MRPL45: variants seen among roughly 807,000 people sequenced by gnomAD.
The protein encoded by MRPL45 is large ribosomal subunit protein mL45.
In MRPL45, 20 loss-of-function variants were observed where a neutral mutation model predicts 38.1. The observed-to-expected ratio is 0.53, with a 90% confidence interval of 0.37 to 0.76. The LOEUF (loss-of-function observed/expected upper bound fraction) is 0.76. MRPL45 is among the 30% of genes least tolerant of loss of function. The pLI is 0.00. For missense variants in MRPL45, 337 were observed against 395.6 expected (o/e 0.85, Z 1.26); for synonymous variants, 105 against 128.8 (o/e 0.82, Z 1.25).
chr17:38,308,311 G>A (rs1485127365), intron 4 of MRPL45, among the ~76,000 whole-genome samples: 1 of 152,044 alleles, frequency 6.6e-6, no homozygotes, highest in East Asian at 1.9e-4. Context: ...TTTTTACCAT[G>A]TTGGCCAGGT....
At chr17:38,311,891 C>T (rs1164401165) in intron 4 of MRPL45, among the ~76,000 whole-genome samples, 8 of 152,018 alleles carry the variant, frequency 5.3e-5, no homozygotes, top group Non-Finnish European at 1.0e-4. Context: ...ATTTTTGTTA[C>T]AGCATCCTGA....
intron 3 of MRPL45, among the ~76,000 whole-genome samples, chr17:38,303,198 T>G (rs1171560116): frequency 1.3e-5 from 2 of 151,950 alleles, no homozygotes; most frequent in Non-Finnish European, 2.9e-5. Context: ...CATAATATAT[T>G]TTTTTTTCCT....
At chr17:38,300,684 C>T (rs1360526214) in intron 3 of MRPL45, among the ~76,000 whole-genome samples, 5 of 152,038 alleles carry the variant, frequency 3.3e-5, no homozygotes, top group Admixed American at 2.0e-4. Context: ...CGGTGGCTCA[C>T]GTCTGTAATC....
At chr17:38,299,495 G>A (rs371746697) in intron 3 of MRPL45, 27 bp downstream of exon 3, 949 of 1,559,122 alleles carry the variant, frequency 6.1e-4, no homozygotes, top group Non-Finnish European at 7.8e-4. Flanking sequence ...ATTGGGTATT[G>A]GTATTAGAAT....
intron 3 of MRPL45, among the ~76,000 whole-genome samples, chr17:38,305,705 C>T (rs1228044281): frequency 6.8e-6 from 1 of 146,726 alleles, no homozygotes; most frequent in Non-Finnish European, 1.5e-5. Context: ...TGCGGTGGTG[C>T]GATCTCTGCT....
intron 3 of MRPL45, among the ~76,000 whole-genome samples, chr17:38,303,759 C>T (rs995776910): frequency 6.6e-6 from 1 of 151,674 alleles, no homozygotes; most frequent in Non-Finnish European, 1.5e-5. Context: ...CTGAGTCTTG[C>T]TCTGTTGCCC....
intron 5 of MRPL45, among the ~76,000 whole-genome samples, chr17:38,319,396 C>T (rs1168218012): frequency 2.0e-5 from 3 of 151,980 alleles, no homozygotes; most frequent in Admixed American, 2.0e-4. Flanking sequence ...CTCCAACTCC[C>T]GACCTCAGGT....
At chr17:38,300,161 A>G (rs1187573547) in intron 3 of MRPL45, among the ~76,000 whole-genome samples, 6 of 151,718 alleles carry the variant, frequency 4.0e-5, no homozygotes, top group African/African-American at 4.8e-5. Context: ...TGGACTACAG[A>G]CGCATGCCAC....
intron 4 of MRPL45, among the ~76,000 whole-genome samples, chr17:38,312,887 C>T (rs569724145): frequency 1.3e-5 from 2 of 150,942 alleles, no homozygotes; most frequent in African/African-American, 4.8e-5. Context: ...ATATGGTTTT[C>T]CTTAGCAGCT....
At chr17:38,305,080 C>G (rs1460005023) in intron 3 of MRPL45, among the ~76,000 whole-genome samples, 1 of 148,400 alleles carries the variant, frequency 6.7e-6, no homozygotes, top group Non-Finnish European at 1.5e-5. Context: ...CTCCTGACCT[C>G]ATGATCTGCC....
At chr17:38,301,247 T>C (rs1183411946) in intron 3 of MRPL45, among the ~76,000 whole-genome samples, 1 of 152,124 alleles carries the variant, frequency 6.6e-6, no homozygotes, top group Non-Finnish European at 1.5e-5. Flanking sequence ...ACTTTTTTTT[T>C]CTTCTTTTTT....
chr17:38,320,253 T>C (rs1281503354), intron 5 of MRPL45, among the ~76,000 whole-genome samples: 1 of 152,152 alleles, frequency 6.6e-6, no homozygotes, highest in Admixed American at 6.5e-5. Context: ...AAAAAAAATA[T>C]ATATGCAGTC....
chr17:38,308,784 T>C (rs542840891), intron 4 of MRPL45, among the ~76,000 whole-genome samples: 1 of 151,530 alleles, frequency 6.6e-6, no homozygotes, highest in Non-Finnish European at 1.5e-5. Context: ...CCATGTTGGC[T>C]AGGCTGGTCT....
chr17:38,317,022 T>G (rs1363292174), intron 4 of MRPL45, among the ~76,000 whole-genome samples: 2 of 152,112 alleles, frequency 1.3e-5, no homozygotes, highest in Non-Finnish European at 2.9e-5. Context: ...GGTCTTGATC[T>G]CCTGACCTCG....
intron 4 of MRPL45, among the ~76,000 whole-genome samples, chr17:38,311,955 C>T (rs1303871723): frequency 6.6e-6 from 1 of 151,954 alleles, no homozygotes; most frequent in Admixed American, 6.6e-5. Flanking sequence ...AGTTTTTGAC[C>T]TTTTGTGATT....
At chr17:38,321,645 C>T (rs1037312609) in intron 6 of MRPL45, among the ~76,000 whole-genome samples, 5 of 151,732 alleles carry the variant, frequency 3.3e-5, no homozygotes, top group African/African-American at 4.8e-5. Flanking sequence ...GAGACGATAC[C>T]GTACCACTGC....
chr17:38,300,864 T>G (rs954730157), intron 3 of MRPL45, among the ~76,000 whole-genome samples: 3 of 152,140 alleles, frequency 2.0e-5, no homozygotes, highest in Admixed American at 2.0e-4. Flanking sequence ...GAGAATCGCT[T>G]GAACCCGGGA....
Position 38,318,752 on chromosome 17 carries a change from CT to C in MRPL45, c.510+19del. 1.3e-6 allele frequency: 2 copies of C among 1,583,754 alleles called. No homozygotes were observed. Among genetic ancestry groups the C allele is most frequent in the Non-Finnish European group, 1.7e-6 (2 of 1,153,506 alleles). ...TGTTTTCCAGTAAGTTCTCATCCTCCTTAGAACTGTGGGGTGACTGAGTGGG... is the reference window on the plus strand; with the variant it reads ...TGTTTTCCAGTAAGTTCTCATCCTCCTAGAACTGTGGGGTGACTGAGTGGG... On this transcript the variant is annotated intron_variant, in intron 5 of 7. Coordinates refer to ENST00000613675, the MANE Select transcript of MRPL45 (RefSeq NM_032351.6).
chr17:38,317,585 T>TTTTG (rs2037187027), intron 4 of MRPL45, among the ~76,000 whole-genome samples: 1 of 151,954 alleles, frequency 6.6e-6, no homozygotes, highest in African/African-American at 2.4e-5. Flanking sequence ...GTTTTGTTTT[T>TTTTG]TTTTGAGACG....
Sources: allele counts gnomAD v4.1 joint callset (sites outside exome capture counted in the v4.1 genomes callset), GRCh38; gene constraint gnomAD v4.1.1; transcripts MANE v1.5; gene names NCBI Gene and HGNC (gene_info 2026-07-23, HGNC 2026-07-21).